Variants in SNAP29 observed in about 807,000 individuals in gnomAD.
SNAP29 encodes synaptosome associated protein 29.
SNAP29 carries 13 observed loss-of-function variants against 27.9 expected under a neutral mutation model. That is an observed-to-expected ratio of 0.47 (90% CI 0.30 to 0.74). The LOEUF is 0.74. SNAP29 is among the 30% of genes least tolerant of loss of function. The probability of loss-of-function intolerance (pLI) is 0.06; values close to 1 mark genes in which losing one functional copy is unlikely to be tolerated. For missense variants in SNAP29, 368 were observed against 336.5 expected, an observed-to-expected ratio of 1.09 and a Z score of -0.73; for synonymous variants, 119 against 127.1, an observed-to-expected ratio of 0.94 and a Z score of 0.43.
intron 3 of SNAP29, among the ~76,000 whole-genome samples, chr22:20,882,219 C>G (rs1253741408): frequency 6.6e-6 from 1 of 151,708 alleles, no homozygotes; most frequent in Non-Finnish European, 1.5e-5. Context: ...AACCGTAAGA[C>G]AAGTTTGTGG....
chr22:20,869,384 G>A (rs139289441), intron 1 of SNAP29, among the ~76,000 whole-genome samples: 52 of 152,304 alleles, frequency 3.4e-4, no homozygotes, highest in African/African-American at 1.2e-3. Flanking sequence ...TTGGATGAGG[G>A]ATGAGAGGCT....
Position 20,859,072 on chromosome 22 carries a change from C to T in SNAP29, c.-39C>T, listed in dbSNP as rs779871033. 5 of 1,524,142 alleles carry T rather than the reference C, an allele frequency of 3.3e-6. No individual in the cohort carries two copies. The highest frequency in any genetic ancestry group is 2.7e-5 in the African/African-American group (2 of 73,672). The allele number at this position is 1,524,142 out of a possible 1,614,324, so 94.4% of individuals were successfully genotyped here. On this transcript the variant is annotated 5_prime_UTR_variant, in exon 1 of 5. Transcript: ENST00000215730. ...CCTGGACGGCGGCGGCAGTGGGGCTCCTCCTTCTGTTTCCCAGACCGAGAG... is the reference window on the plus strand; with the variant it reads ...CCTGGACGGCGGCGGCAGTGGGGCTTCTCCTTCTGTTTCCCAGACCGAGAG...
In SNAP29 at chr22:20,870,491, C is replaced by T; in HGVS notation, c.392C>T (p.Pro131Leu). 1 of 1,614,166 alleles carries T rather than the reference C, an allele frequency of 6.2e-7. No homozygotes were observed. Among genetic ancestry groups the T allele is most frequent in the Non-Finnish European group, 8.5e-7 (1 of 1,180,020 alleles). ...NYFKSKPVET[P>L]PEQNGTLTSQ... ...TTCAAATCCAAACCAGTAGAGACCC[C>T]ACCTGAACAGAATGGCACCCTCACC... The change falls in exon 2 of 5, where the codon CCA becomes CTA. Residue 131 changes from proline to leucine, a missense_variant. Pro to Leu is a moderately conservative substitution (Grantham distance 98). Transcript: ENST00000215730.
chr22:20,866,907 C>G (rs1015152851), intron 1 of SNAP29, among the ~76,000 whole-genome samples: 5 of 152,118 alleles, frequency 3.3e-5, no homozygotes, highest in Admixed American at 2.6e-4. Context: ...AGAGGTGACT[C>G]TGTGTGTGTA....
chr22:20,864,895 G>T (rs1338362943), intron 1 of SNAP29, among the ~76,000 whole-genome samples: 1 of 152,230 alleles, frequency 6.6e-6, no homozygotes, highest in East Asian at 1.9e-4. Context: ...TGCCTTGGTT[G>T]CAATGCCTGT....
chr22:20,876,523 G>T (rs1192914278), intron 2 of SNAP29, among the ~76,000 whole-genome samples: 1 of 148,844 alleles, frequency 6.7e-6, no homozygotes, highest in Non-Finnish European at 1.5e-5. Flanking sequence ...CTCCCAAAGT[G>T]CTAGGATTGC....
chr22:20,860,804 T>C (rs538177132), intron 1 of SNAP29, among the ~76,000 whole-genome samples: 6 of 152,234 alleles, frequency 3.9e-5, no homozygotes, highest in Non-Finnish European at 7.4e-5. Context: ...TCCCAACAAT[T>C]TGTAAGGCTG....
intron 2 of SNAP29, among the ~76,000 whole-genome samples, chr22:20,872,502 G>A (rs2147865436): frequency 6.6e-6 from 1 of 152,230 alleles, no homozygotes; most frequent in Admixed American, 6.5e-5. Flanking sequence ...CCGGGTTCAT[G>A]CCGTTCTCCT....
At chr22:20,886,784 A>G (rs1490212945) in intron 4 of SNAP29, among the ~76,000 whole-genome samples, 1 of 149,008 alleles carries the variant, frequency 6.7e-6, no homozygotes, top group Admixed American at 6.7e-5. Context: ...GCTAATTTTT[A>G]TATTTTTTAG....
chr22:20,862,004 AG>A (rs1928336228), intron 1 of SNAP29, among the ~76,000 whole-genome samples: 1 of 152,116 alleles, frequency 6.6e-6, no homozygotes, highest in Non-Finnish European at 1.5e-5. Flanking sequence ...GCCTGACCTT[AG>A]GTGATCTGCC....
Position 20,859,250 on chromosome 22 carries a change from A to C in SNAP29, c.140A>C (p.Gln47Pro), listed in dbSNP as rs779076266. Residue 47 changes from glutamine to proline, a missense_variant, in exon 1 of 5, where the codon CAG becomes CCG. Transcript: ENST00000215730. The part of the protein sequence containing the change: ...APADRQQYLR[Q>P]EVLRRAEATA... ...GCGGACAGGCAGCAGTACTTGCGGC[A>C]GGAGGTCCTCCGCAGGGCTGAGGCC... The C allele has an allele frequency of 1.2e-5, 19 of 1,605,822 alleles. No individual in the cohort carries two copies. In the Admixed American group the frequency reaches 3.1e-4, roughly 26 times the overall value.
chr22:20,874,338 ACGAAAATTAGC>A (rs1467702131), intron 2 of SNAP29, among the ~76,000 whole-genome samples: 6 of 142,372 alleles, frequency 4.2e-5, no homozygotes, highest in South Asian at 2.3e-4. Context: ...ACACACACAC[ACGAAAATTAGC>A]CACACACACA....
intron 2 of SNAP29, among the ~76,000 whole-genome samples, chr22:20,880,263 C>CGAGGTGGGTGGATCACTTGAGATCAG (rs1928859467): frequency 2.0e-5 from 3 of 151,872 alleles, no homozygotes; most frequent in Admixed American, 2.0e-4. Context: ...TTTGGGAGGC[C>CGAGGTGGGTGGATCACTTGAGATCAG]GAGGTGGGTG....
In SNAP29 at chr22:20,859,011, G is replaced by A. The variant is rs1928094000; in HGVS notation, c.-100G>A. 5 of 1,362,094 alleles carry A rather than the reference G, an allele frequency of 3.7e-6. No individual in the cohort carries two copies. Among genetic ancestry groups the A allele is most frequent in the Non-Finnish European group, 4.0e-6 (4 of 1,007,174 alleles). The allele number at this position is 1,362,094 out of a possible 1,614,324, so 84.4% of individuals were successfully genotyped here. Reference sequence around the variant, plus strand: ...TGCGCGCGACGCGCGGAAGGAGTTCGCGCGACGACCGCGGGGTCGGCGGGC... The same window carrying A: ...TGCGCGCGACGCGCGGAAGGAGTTCACGCGACGACCGCGGGGTCGGCGGGC... On this transcript the variant is annotated 5_prime_UTR_variant, in exon 1 of 5. Coordinates refer to ENST00000215730, the MANE Select transcript of SNAP29 (RefSeq NM_004782.4).
chr22:20,890,361 G>A lies in SNAP29; in HGVS notation c.*2525G>A, dbSNP rs1929120443. The A allele has an allele frequency of 2.5e-6, 1 of 398,588 alleles. No individual in the cohort carries two copies. 24.7% of individuals were successfully genotyped at this position (398,588 alleles called of 1,614,324 possible). A position where few individuals can be genotyped will look rare whatever the true frequency, so the allele number is the denominator to read the frequency against. On this transcript the variant is annotated 3_prime_UTR_variant, in exon 5 of 5. Transcript: ENST00000215730. Reference sequence around the variant, plus strand: ...TGACTGTGGGATGGGATTTGGTACTGCAGACAGATTTTGATTTCCACAGTT... The same window carrying A: ...TGACTGTGGGATGGGATTTGGTACTACAGACAGATTTTGATTTCCACAGTT...
At chr22:20,862,364 C>T (rs1928345755) in intron 1 of SNAP29, among the ~76,000 whole-genome samples, 1 of 152,110 alleles carries the variant, frequency 6.6e-6, no homozygotes, top group Non-Finnish European at 1.5e-5. Flanking sequence ...CTGAGGTTTA[C>T]ACAAGAGGAG....
rs764019904 is a variant in SNAP29 at position 20,881,144 on chromosome 22, T to C, written c.520+10T>C. 38 of 1,576,066 alleles carry C rather than the reference T, an allele frequency of 2.4e-5. No individual in the cohort carries two copies. The South Asian group carries it at 4.0e-4, about 17-fold the overall frequency. On this transcript the variant is annotated intron_variant, in intron 3 of 4. Transcript: ENST00000215730. ...AAGCTGGATGATACAGGTAAGTGGATACCTGTGTGCACAGCCACATTTGAA... is the reference window on the plus strand; with the variant it reads ...AAGCTGGATGATACAGGTAAGTGGACACCTGTGTGCACAGCCACATTTGAA...
At position 20,883,542 on chromosome 22, in the gene SNAP29, T is replaced by C. The variant is rs1269464847; in HGVS notation, c.592T>C (p.Tyr198His). 3.1e-6 allele frequency: 5 copies of C among 1,613,146 alleles called. No individual in the cohort carries two copies. The highest frequency in any genetic ancestry group is 3.4e-6 in the Non-Finnish European group (4 of 1,179,208). ...CCCAAAGAACCCACACCTTCGAGCCTATCACCAGAAGATCGACAGCAACCT... is the reference window on the plus strand; with the variant it reads ...CCCAAAGAACCCACACCTTCGAGCCCATCACCAGAAGATCGACAGCAACCT... ...AYPKNPHLRA[Y>H]HQKIDSNLDE... Residue 198 changes from tyrosine (Y) to histidine (H), a missense_variant, in exon 4 of 5, where the codon TAT (tyrosine) becomes CAT (histidine). Coordinates refer to ENST00000215730, the MANE Select transcript of SNAP29 (RefSeq NM_004782.4).
chr22:20,884,879 G>A (rs747344463), intron 4 of SNAP29, among the ~76,000 whole-genome samples: 1 of 152,156 alleles, frequency 6.6e-6, no homozygotes, highest in Non-Finnish European at 1.5e-5. Flanking sequence ...GGGTTCAAGC[G>A]ATTCTCCTGC....
Sources: gnomAD v4.1 joint callset for allele counts (sites outside exome capture counted in the v4.1 genomes callset) on GRCh38, gnomAD v4.1.1 for gene constraint, MANE v1.5 for transcripts, NCBI Gene and HGNC (gene_info 2026-07-23, HGNC 2026-07-21) for gene names.